TNFRSF11B: variants seen among roughly 807,000 people sequenced by gnomAD.
The protein encoded by TNFRSF11B is tumor necrosis factor receptor superfamily member 11B.
Under a neutral mutation model 43.4 loss-of-function variants are expected in TNFRSF11B, and 16 were observed. The ratio of observed to expected loss-of-function variants is 0.37; its 90% confidence interval spans 0.25 to 0.56. The LOEUF (loss-of-function observed/expected upper bound fraction) is 0.56, where lower values mean the gene tolerates loss of function less well. Ranked by LOEUF, TNFRSF11B falls within the 20% of genes least tolerant of loss-of-function variation. The pLI is 0.80. For synonymous variants in TNFRSF11B, 185 were observed against 181.8 expected (o/e 1.02, Z -0.14); for missense variants, 444 against 490.1 (o/e 0.91, Z 0.89).
intron 3 of TNFRSF11B, among the ~76,000 whole-genome samples, chr8:118,927,603 A>G (rs1421500597): frequency 1.6e-5 from 2 of 127,672 alleles, no homozygotes; most frequent in Admixed American, 8.3e-5. Flanking sequence ...TGGCTTGTCT[A>G]TGATTTCAAT....
intron 1 of TNFRSF11B, among the ~76,000 whole-genome samples, chr8:118,946,424 T>C (rs1170835230): frequency 1.3e-5 from 2 of 152,132 alleles, no homozygotes; most frequent in African/African-American, 4.8e-5. Context: ...AAATATTCTG[T>C]GGTAGTGAGT....
At chr8:118,930,047 C>A (rs1286353044) in intron 2 of TNFRSF11B, among the ~76,000 whole-genome samples, 4 of 152,102 alleles carry the variant, frequency 2.6e-5, no homozygotes, top group South Asian at 2.1e-4. Context: ...CATTGACCTG[C>A]AAAAATGACA....
At chr8:118,929,019 C>T (rs971076573) in intron 2 of TNFRSF11B, 90 bp from the exon 3 acceptor site, 2 of 1,266,222 alleles carry the variant, frequency 1.6e-6, no homozygotes, top group African/African-American at 3.0e-5. Flanking sequence ...AGACTTTTCA[C>T]TTGGTTTTTA....
chr8:118,938,980 T>C (rs11573877), intron 1 of TNFRSF11B, among the ~76,000 whole-genome samples: 1,630 of 152,288 alleles, frequency 0.011, 28 homozygotes, highest in African/African-American at 0.037. Flanking sequence ...ACCACTTGGT[T>C]TGGGAGTTCC....
chr8:118,935,144 G>A (rs934956238), intron 1 of TNFRSF11B, among the ~76,000 whole-genome samples: 3 of 152,110 alleles, frequency 2.0e-5, no homozygotes, highest in African/African-American at 7.2e-5. Flanking sequence ...GTCTTTTCAG[G>A]ACATTCCCTT....
chr8:118,930,720 T>C (rs1327241969), intron 2 of TNFRSF11B: 1 of 448,546 alleles, frequency 2.2e-6, no homozygotes, highest in African/African-American at 2.0e-5. Flanking sequence ...CCTAAGAATC[T>C]TGTTCATTCT....
intron 1 of TNFRSF11B, among the ~76,000 whole-genome samples, chr8:118,935,665 A>G (rs1812396440): frequency 6.6e-6 from 1 of 152,308 alleles, no homozygotes; most frequent in South Asian, 2.1e-4. Flanking sequence ...CAATATTATA[A>G]AATGAGGATT....
intron 2 of TNFRSF11B, 49 bp downstream of exon 2, chr8:118,932,882 A>G (rs765861529): frequency 3.7e-6 from 6 of 1,612,010 alleles, no homozygotes; most frequent in Non-Finnish European, 4.2e-6. Context: ...TGTCACAACT[A>G]TCTGACTTTG....
Position 118,938,092 on chromosome 8 carries a change from G to A in TNFRSF11B, c.31-4792C>T, listed in dbSNP as rs555662942. Among the ~76,000 whole-genome samples, 331 of 152,130 alleles carry A rather than the reference G, an allele frequency of 2.2e-3. 4 individuals carry two copies. Among genetic ancestry groups the A allele is most frequent in the Non-Finnish European group, 3.8e-3 (258 of 68,012 alleles). ...TAAGAAGTAGGAAAGTATCATAATG[G>A]TATATGCAAGAAGAAAAAAAGGAGT... On this transcript the variant is annotated intron_variant, in intron 1 of 4. Coordinates refer to ENST00000297350, the MANE Select transcript of TNFRSF11B (RefSeq NM_002546.4).
intron 1 of TNFRSF11B, among the ~76,000 whole-genome samples, chr8:118,934,614 A>G (rs1025638394): frequency 2.0e-5 from 3 of 152,196 alleles, no homozygotes; most frequent in African/African-American, 7.2e-5. Flanking sequence ...TCCAGGGAGC[A>G]CTGAAGTAGT....
intron 1 of TNFRSF11B, among the ~76,000 whole-genome samples, chr8:118,941,154 T>C (rs977271264): frequency 2.0e-5 from 3 of 152,208 alleles, no homozygotes; most frequent in African/African-American, 7.2e-5. Context: ...ATCTTTCATC[T>C]CACATGGTGT....
In TNFRSF11B at chr8:118,946,469, G is replaced by A. The variant is rs538888325; in HGVS notation, c.30+5323C>T. ...TAATTACATGTCACATAAAAACACC[G>A]TCCTTGTATCTATTTCAAGTTGGCC... On this transcript the variant is annotated intron_variant, in intron 1 of 4. Transcript: ENST00000297350. Among the ~76,000 whole-genome samples, 24 of 152,164 alleles carry A rather than the reference G, an allele frequency of 1.6e-4. No individual in the cohort carries two copies. In the South Asian group the frequency reaches 2.1e-3, roughly 13 times the overall value.
At chr8:118,942,279 G>A (rs1812497892) in intron 1 of TNFRSF11B, among the ~76,000 whole-genome samples, 1 of 128,220 alleles carries the variant, frequency 7.8e-6, no homozygotes, top group Non-Finnish European at 1.5e-5. Context: ...GTCCAAGTTT[G>A]AACATCAATA....
Position 118,924,469 on chromosome 8 carries a change from A to C in TNFRSF11B, c.1111T>G (p.Phe371Val), listed in dbSNP as rs34353469. ...VTQSLKKTIRFLHSFTMYKLY... is the reference protein window; with the variant it reads ...VTQSLKKTIRVLHSFTMYKLY... ...TTGTACATTGTGAAGCTGTGAAGGA[A>C]CCTGATGGTCTTCTTTAGACTCTGA... Residue 371 changes from phenylalanine (F) to valine (V), a missense_variant, in exon 5 of 5, where the codon TTC (phenylalanine) becomes GTC (valine). Coordinates refer to ENST00000297350, the MANE Select transcript of TNFRSF11B (RefSeq NM_002546.4). 1.2e-6 allele frequency: 2 copies of C among 1,613,930 alleles called. No individual in the cohort carries two copies. The highest frequency in any genetic ancestry group is 8.5e-7 in the Non-Finnish European group (1 of 1,179,902).
At chr8:118,947,384 T>A (rs11573829) in intron 1 of TNFRSF11B, among the ~76,000 whole-genome samples, 1 of 151,972 alleles carries the variant, frequency 6.6e-6, no homozygotes, top group African/African-American at 2.4e-5. Flanking sequence ...ATTATGGAGA[T>A]CTTGGGGCTA....
rs530356961 is a variant in TNFRSF11B at position 118,949,924 on chromosome 8, AAAGT to A, written c.30+1864_30+1867del. 2.2e-4 allele frequency among the ~76,000 whole-genome samples: 33 copies of A among 152,328 alleles called. No individual in the cohort carries two copies. The South Asian group carries it at 5.6e-3, about 26-fold the overall frequency. Reference sequence around the variant, plus strand: ...GTCCATTTGCAATCATTTTCAAAATAAAGTAAGTCTCAGAAGCTAAAGAAAGGGG... The same window carrying A: ...GTCCATTTGCAATCATTTTCAAAATAAAGTCTCAGAAGCTAAAGAAAGGGG... On this transcript the variant is annotated intron_variant, in intron 1 of 4. Coordinates refer to ENST00000297350, the MANE Select transcript of TNFRSF11B (RefSeq NM_002546.4).
intron 1 of TNFRSF11B, among the ~76,000 whole-genome samples, chr8:118,945,404 G>C (rs1235398145): frequency 6.6e-6 from 1 of 152,026 alleles, no homozygotes; most frequent in African/African-American, 2.4e-5. Context: ...ACCCATTGGA[G>C]CTCAGAGACT....
intron 4 of TNFRSF11B, 115 bp downstream of exon 4, chr8:118,926,379 T>C: frequency 9.8e-7 from 1 of 1,016,932 alleles, no homozygotes; most frequent in Admixed American, 2.0e-5. Flanking sequence ...CCAACAATGA[T>C]TCCAACAGGG....
In TNFRSF11B at chr8:118,949,781, G is replaced by A. The variant is rs370219031; in HGVS notation, c.30+2011C>T. Among the ~76,000 whole-genome samples, 100 of 152,270 alleles carry A rather than the reference G, an allele frequency of 6.6e-4. 3 individuals carry two copies. The East Asian group carries it at 0.017, about 26-fold the overall frequency. On this transcript the variant is annotated intron_variant, in intron 1 of 4. Coordinates refer to ENST00000297350, the MANE Select transcript of TNFRSF11B (RefSeq NM_002546.4). ...ATCTTGCTTTTCACACTGTCCTGAT[G>A]CCTAGTGCCAGTGGAATGCCCATTA...
Sources: gnomAD v4.1 joint callset for allele counts (sites outside exome capture counted in the v4.1 genomes callset) on GRCh38, gnomAD v4.1.1 for gene constraint, MANE v1.5 for transcripts, NCBI Gene and HGNC (gene_info 2026-07-23, HGNC 2026-07-21) for gene names.